Variants in TYR observed in about 807,000 individuals in gnomAD.
The protein encoded by TYR is tyrosinase.
Under a neutral mutation model 51.5 loss-of-function variants are expected in TYR, and 58 were observed. The ratio of observed to expected loss-of-function variants is 1.13; its 90% CI spans 0.91 to 1.40. The LOEUF is 1.40. Ranked by LOEUF, TYR falls within the 40% of genes most tolerant of loss-of-function variation. The pLI, the probability that TYR is intolerant of heterozygous loss-of-function variation, is 0.00. For missense variants in TYR, 732 were observed against 647.4 expected, an observed-to-expected ratio of 1.13 and a Z score of -1.42; for synonymous variants, 263 against 235.2, an observed-to-expected ratio of 1.12 and a Z score of -1.08.
intron 3 of TYR, among the ~76,000 whole-genome samples, chr11:89,274,280 T>A (rs1944624817): frequency 6.6e-6 from 1 of 151,940 alleles, no homozygotes; most frequent in African/African-American, 2.4e-5. Flanking sequence ...ACAACTCTTT[T>A]ATTTGTGGTA....
In TYR at chr11:89,194,419, C is replaced by T. The variant is rs140636169; in HGVS notation, c.1036+3001C>T. ...TCACGTTGGTGATGTTAATCACCTACTCCAGATGTGGTCCAATTTTCCCAC... is the reference window on the plus strand; with the variant it reads ...TCACGTTGGTGATGTTAATCACCTATTCCAGATGTGGTCCAATTTTCCCAC... On this transcript the variant is annotated intron_variant, in intron 2 of 4. Transcript: ENST00000263321. Among the ~76,000 whole-genome samples the T allele has an allele frequency of 6.9e-3, 1,054 of 152,298 alleles. 1 individual carries two copies. The highest frequency in any genetic ancestry group is 0.011 in the Non-Finnish European group (775 of 68,010).
intron 4 of TYR, chr11:89,294,153 C>A (rs1453240391): frequency 6.5e-6 from 1 of 154,246 alleles, no homozygotes; most frequent in Non-Finnish European, 1.4e-5. Context: ...AAATGCTCCA[C>A]CTTCCCTTTT....
chr11:89,216,242 G>T (rs1001468161), intron 2 of TYR, among the ~76,000 whole-genome samples: 1 of 152,066 alleles, frequency 6.6e-6, no homozygotes, highest in African/African-American at 2.4e-5. Flanking sequence ...CTTAAAGGAT[G>T]GCACTTAAAC....
Position 89,178,175 on chromosome 11 carries a change from G to A in TYR, c.222G>A (p.Val74=). The A allele has an allele frequency of 6.2e-7, 1 of 1,614,170 alleles. No homozygotes were observed. The highest frequency in any genetic ancestry group is 8.5e-7 in the Non-Finnish European group (1 of 1,180,026). Residue 74 remains valine (V), a synonymous_variant, in exon 1 of 5, where the codon GTG becomes GTA. Transcript: ENST00000263321. ...PLGPQFPFTG[V]DDRESWPSVF... Reference sequence around the variant, plus strand: ...GGCCTCAATTTCCCTTCACAGGGGTGGATGACCGGGAGTCGTGGCCTTCCG... The same window carrying A: ...GGCCTCAATTTCCCTTCACAGGGGTAGATGACCGGGAGTCGTGGCCTTCCG...
chr11:89,249,298 T>C, intron 3 of TYR, among the ~76,000 whole-genome samples: 1 of 151,734 alleles, frequency 6.6e-6, no homozygotes, highest in East Asian at 1.9e-4. Flanking sequence ...ATGGAGTGAA[T>C]GAGGTCACAG....
chr11:89,185,663 T>G lies in TYR; in HGVS notation c.820-5539T>G, dbSNP rs576739652. On this transcript the variant is annotated intron_variant, in intron 1 of 4. Coordinates refer to ENST00000263321, the MANE Select transcript of TYR (RefSeq NM_000372.5). ...TGGCCCCAAGCCTCCCACGGAAGCATGCACCTGTTGTGAACAGTCAATGAC... is the reference window on the plus strand; with the variant it reads ...TGGCCCCAAGCCTCCCACGGAAGCAGGCACCTGTTGTGAACAGTCAATGAC... Among the ~76,000 whole-genome samples, 3 of 152,262 alleles carry G rather than the reference T, an allele frequency of 2.0e-5. No homozygotes were observed. In the South Asian group the frequency reaches 6.2e-4, roughly 32 times the overall value.
At chr11:89,252,946 T>C (rs1406692557) in intron 3 of TYR, among the ~76,000 whole-genome samples, 12 of 151,824 alleles carry the variant, frequency 7.9e-5, no homozygotes. Flanking sequence ...AAAGTGCTTC[T>C]GAAGTACAAA....
At chr11:89,268,379 A>G (rs1245192650) in intron 3 of TYR, among the ~76,000 whole-genome samples, 1 of 151,912 alleles carries the variant, frequency 6.6e-6, no homozygotes, top group Non-Finnish European at 1.5e-5. Flanking sequence ...ATTATTACTG[A>G]AGCAATCAGT....
At position 89,245,698 on chromosome 11, in the gene TYR, G is replaced by A. The variant is rs537316288; in HGVS notation, c.1184+17728G>A. Among the ~76,000 whole-genome samples the A allele has an allele frequency of 8.9e-4, 135 of 152,154 alleles. 1 individual carries two copies. Among genetic ancestry groups the A allele is most frequent in the African/African-American group, 3.1e-3 (129 of 41,516 alleles). ...AGCACTTTGGGAGGCCAAGGCGGGC[G>A]GATTATGAGGTCAGGAGATCAAGAC... On this transcript the variant is annotated intron_variant, in intron 3 of 4. Transcript: ENST00000263321.
intron 4 of TYR, among the ~76,000 whole-genome samples, chr11:89,291,715 T>C (rs1944854848): frequency 6.6e-6 from 1 of 152,006 alleles, no homozygotes. Context: ...AAAATGTTTA[T>C]GCCCCTATAT....
At chr11:89,250,843 A>C (rs1294198917) in intron 3 of TYR, among the ~76,000 whole-genome samples, 1 of 151,956 alleles carries the variant, frequency 6.6e-6, no homozygotes, top group Non-Finnish European at 1.5e-5. Context: ...TGTTGCAGGG[A>C]AGCAATTCAG....
At chr11:89,226,590 G>T (rs1943980105) in intron 2 of TYR, among the ~76,000 whole-genome samples, 1 of 152,100 alleles carries the variant, frequency 6.6e-6, no homozygotes, top group African/African-American at 2.4e-5. Context: ...ACCCGAAGGG[G>T]CAGAAACACT....
intron 3 of TYR, among the ~76,000 whole-genome samples, chr11:89,270,595 T>C (rs1944577799): frequency 1.3e-5 from 2 of 152,032 alleles, no homozygotes; most frequent in Non-Finnish European, 2.9e-5. Context: ...CAACCCAAAG[T>C]CATCAACATT....
rs148428112 is a variant in TYR at position 89,229,350 on chromosome 11, G to A, written c.1184+1380G>A. Among the ~76,000 whole-genome samples the A allele has an allele frequency of 4.1e-3, 622 of 152,140 alleles. 6 individuals carry two copies. Among genetic ancestry groups the A allele is most frequent in the African/African-American group, 0.014 (596 of 41,528 alleles). The stretch of plus-strand genomic sequence containing the variant: ...CAACCACCTATACCCATACATAAGA[G>A]AGAAAAGCATAGTGCTGGAATAAAA... On this transcript the variant is annotated intron_variant, in intron 3 of 4. Coordinates refer to ENST00000263321, the MANE Select transcript of TYR (RefSeq NM_000372.5).
In TYR at chr11:89,191,437, C is replaced by T. The variant is rs766802921; in HGVS notation, c.1036+19C>T. 3.1e-6 allele frequency: 5 copies of T among 1,607,426 alleles called. No individual in the cohort carries two copies. The highest frequency in any genetic ancestry group is 1.7e-5 in the Admixed American group (1 of 59,802). On this transcript the variant is annotated intron_variant, in intron 2 of 4. Coordinates refer to ENST00000263321, the MANE Select transcript of TYR (RefSeq NM_000372.5). ...CTGGAAGGTAATCTCTTTCTTTTCACTTTTAATTTTTTTTCTGAATTCATA... is the reference window on the plus strand; with the variant it reads ...CTGGAAGGTAATCTCTTTCTTTTCATTTTTAATTTTTTTTCTGAATTCATA...
intron 2 of TYR, among the ~76,000 whole-genome samples, chr11:89,203,370 C>G (rs1943625336): frequency 6.6e-6 from 1 of 152,190 alleles, no homozygotes; most frequent in African/African-American, 2.4e-5. Flanking sequence ...CCCAACCCTG[C>G]CTCTGGTATA....
intron 2 of TYR, among the ~76,000 whole-genome samples, chr11:89,201,952 G>A (rs941611028): frequency 4.6e-5 from 7 of 152,012 alleles, no homozygotes; most frequent in Non-Finnish European, 4.4e-5. Flanking sequence ...GCACATTTGC[G>A]AAATCCAAAA....
At chr11:89,270,953 A>G (rs1944580888) in intron 3 of TYR, among the ~76,000 whole-genome samples, 2 of 151,880 alleles carry the variant, frequency 1.3e-5, no homozygotes, top group South Asian at 2.1e-4. Flanking sequence ...CACATGATCA[A>G]ATAACTGCAA....
chr11:89,275,841 G>A (rs1345139876), intron 3 of TYR, among the ~76,000 whole-genome samples: 1 of 151,820 alleles, frequency 6.6e-6, no homozygotes, highest in Non-Finnish European at 1.5e-5. Context: ...CTCGGTGATT[G>A]GCACAAGAAT....
Sources: allele counts gnomAD v4.1 joint callset (sites outside exome capture counted in the v4.1 genomes callset), GRCh38; gene constraint gnomAD v4.1.1; transcripts MANE v1.5; gene names NCBI Gene and HGNC (gene_info 2026-07-23, HGNC 2026-07-21).